NXNL2: variants seen among roughly 807,000 people sequenced by gnomAD.
NXNL2 encodes the protein nucleoredoxin-like protein 2.
NXNL2 carries 7 observed loss-of-function variants against 11.1 expected under a neutral mutation model. The ratio of observed to expected loss-of-function variants is 0.63; its 90% confidence interval spans 0.36 to 1.18. NXNL2 has a LOEUF of 1.18. NXNL2 is among the 50% of genes most tolerant of loss of function. NXNL2 has a pLI of 0.02. For missense variants in NXNL2, 233 were observed against 217.7 expected (o/e 1.07, Z -0.44); for synonymous variants, 109 against 101.8 (o/e 1.07, Z -0.42).
At chr9:88,557,004 C>T (rs1479050302) in intron 1 of NXNL2, among the ~76,000 whole-genome samples, 1 of 150,362 alleles carries the variant, frequency 6.7e-6, no homozygotes, top group East Asian at 1.9e-4. Flanking sequence ...TCGCTTGAAC[C>T]CGGGAGGCGG....
At chr9:88,577,414 C>T (rs1479982855), downstream of NXNL2, among the ~76,000 whole-genome samples, 3 of 152,104 alleles carry the variant, frequency 2.0e-5, no homozygotes, top group Non-Finnish European at 2.9e-5. Context: ...AGCATGTCTA[C>T]GGTCCTAAGA....
chr9:88,543,028 G>T (rs1239381121), intron 1 of NXNL2, among the ~76,000 whole-genome samples: 1 of 152,210 alleles, frequency 6.6e-6, no homozygotes, highest in Non-Finnish European at 1.5e-5. Flanking sequence ...TCTTGAGGGA[G>T]TAATCCCAGT....
intron 1 of NXNL2, among the ~76,000 whole-genome samples, chr9:88,553,278 G>A (rs1301461522): frequency 3.3e-5 from 5 of 152,080 alleles, no homozygotes; most frequent in Non-Finnish European, 5.9e-5. Context: ...CCCGGGAAGC[G>A]GAGGTTGCAG....
At chr9:88,571,848 C>T (rs886269316) in intron 2 of NXNL2, among the ~76,000 whole-genome samples, 3 of 152,260 alleles carry the variant, frequency 2.0e-5, no homozygotes, top group East Asian at 1.9e-4. Context: ...GCCCATTTAA[C>T]GTCTCCACCG....
At chr9:88,537,919 G>A (rs1360256683) in intron 1 of NXNL2, among the ~76,000 whole-genome samples, 1 of 152,226 alleles carries the variant, frequency 6.6e-6, no homozygotes, top group Non-Finnish European at 1.5e-5. Flanking sequence ...CAGAAGTGTG[G>A]TTTATGCCAG....
chr9:88,543,127 G>A (rs1829792787), intron 1 of NXNL2, among the ~76,000 whole-genome samples: 2 of 152,258 alleles, frequency 1.3e-5, no homozygotes, highest in Admixed American at 1.3e-4. Context: ...CACTCATCAG[G>A]TTATAGATAC....
chr9:88,545,189 G>A (rs1829830997), downstream of NXNL2, among the ~76,000 whole-genome samples: 1 of 152,100 alleles, frequency 6.6e-6, no homozygotes, highest in Admixed American at 6.5e-5. Flanking sequence ...ATTTTCAAGG[G>A]TGTGTTTTCA....
intron 1 of NXNL2, among the ~76,000 whole-genome samples, chr9:88,536,723 T>A (rs1829628510): frequency 6.6e-6 from 1 of 152,238 alleles, no homozygotes; most frequent in African/African-American, 2.4e-5. Flanking sequence ...GAGTAATTAA[T>A]GGGAAGAAAT....
At chr9:88,552,471 A>ATTT (rs1564070714) in intron 1 of NXNL2, among the ~76,000 whole-genome samples, 1 of 129,948 alleles carries the variant, frequency 7.7e-6, no homozygotes, top group Non-Finnish European at 1.5e-5. Flanking sequence ...TTAAACATGC[A>ATTT]TGTTTTTTTT....
At chr9:88,564,282 CTATTATCTATCT>C (rs1471473934) in intron 1 of NXNL2, among the ~76,000 whole-genome samples, 3 of 106,580 alleles carry the variant, frequency 2.8e-5, no homozygotes, top group African/African-American at 1.1e-4. Context: ...ATCTATCTAT[CTATTATCTATCT>C]ATCTATCTAT....
In NXNL2 at chr9:88,544,446, G is replaced by A; in HGVS notation, c.370G>A (p.Val124Ile). The change falls in exon 2 of 2, where the codon GTC (valine) becomes ATC (isoleucine). Residue 124 changes from valine to isoleucine, a missense_variant. By Grantham distance (29) the Val-to-Ile change is conservative. Transcript: ENST00000375854. ...KLVIVKQNGE[V>I]ITNKGRKQIR... ...TGTGATTGTGAAACAAAATGGGGAG[G>A]TCATCACCAACAAAGGGCGGAAGCA... 1 of 1,551,868 alleles carries A rather than the reference G, an allele frequency of 6.4e-7. No individual in the cohort carries two copies. Among genetic ancestry groups the A allele is most frequent in the Non-Finnish European group, 8.7e-7 (1 of 1,147,030 alleles).
chr9:88,546,670 C>T (rs138263099), downstream of NXNL2, among the ~76,000 whole-genome samples: 882 of 152,246 alleles, frequency 5.8e-3, 9 homozygotes, highest in African/African-American at 0.02. Flanking sequence ...CCGCTTCGGC[C>T]TCCCAGAGTG....
At chr9:88,537,107 A>G (rs1829638025) in intron 1 of NXNL2, among the ~76,000 whole-genome samples, 1 of 152,198 alleles carries the variant, frequency 6.6e-6, no homozygotes, top group African/African-American at 2.4e-5. Flanking sequence ...AAGGTATTTT[A>G]TTGCTGAGCA....
chr9:88,553,538 C>A (rs1029765708), intron 1 of NXNL2, among the ~76,000 whole-genome samples: 3 of 152,126 alleles, frequency 2.0e-5, no homozygotes, highest in Non-Finnish European at 4.4e-5. Flanking sequence ...ATCTGCATCG[C>A]TTTATTTTTT....
In NXNL2 at chr9:88,556,780, C is replaced by A. The variant is rs558361175; in HGVS notation, c.303-14307C>A. The stretch of plus-strand genomic sequence containing the variant: ...TGTTGTAATTATGCATTCAGCCTTC[C>A]ATAGAAAGATGTTAGGCCAGGTGCA... On this transcript the variant is annotated intron_variant, in intron 1 of 2. Transcript: ENST00000375855. 2.0e-5 allele frequency among the ~76,000 whole-genome samples: 3 copies of A among 152,112 alleles called. No individual in the cohort carries two copies. The East Asian group carries it at 5.8e-4, about 30-fold the overall frequency.
intron 1 of NXNL2, among the ~76,000 whole-genome samples, chr9:88,583,346 C>A (rs1053201132): frequency 1.3e-5 from 2 of 152,256 alleles, no homozygotes. Context: ...CAGGGCACAA[C>A]TTCCAAGAGT....
At chr9:88,576,832 C>A (rs1830353993), downstream of NXNL2, among the ~76,000 whole-genome samples, 1 of 152,154 alleles carries the variant, frequency 6.6e-6, no homozygotes, top group Non-Finnish European at 1.5e-5. Flanking sequence ...GAGCACCAGA[C>A]ACAGCCCCTG....
Position 88,557,174 on chromosome 9 carries a change from A to C in NXNL2, c.303-13913A>C, listed in dbSNP as rs116454397. 3.7e-3 allele frequency among the ~76,000 whole-genome samples: 562 copies of C among 151,856 alleles called. 2 individuals carry two copies. Among genetic ancestry groups the C allele is most frequent in the African/African-American group, 0.012 (514 of 41,394 alleles). ...ACAAGCAATCCCAAACTTCTACTAC[A>C]CTTTGAAGCACAGATTTCCATTCTT... is the stretch of plus-strand genomic sequence containing the variant. On this transcript the variant is annotated intron_variant, in intron 1 of 2. Transcript: ENST00000375855.
chr9:88,536,027 T>A (rs932359433), intron 1 of NXNL2, among the ~76,000 whole-genome samples: 2 of 152,166 alleles, frequency 1.3e-5, no homozygotes, highest in African/African-American at 4.8e-5. Context: ...GCTCCGGGAA[T>A]CTGCATTGCG....
Sources: allele counts gnomAD v4.1 joint callset (sites outside exome capture counted in the v4.1 genomes callset), GRCh38; gene constraint gnomAD v4.1.1; transcripts MANE v1.5; gene names NCBI Gene and HGNC (gene_info 2026-07-23, HGNC 2026-07-21).